CRYBG3: variants seen among roughly 807,000 people sequenced by gnomAD.
CRYBG3 encodes very large A-kinase anchor protein.
In CRYBG3, 127 loss-of-function variants were observed where a neutral mutation model predicts 244.2. The observed-to-expected ratio is 0.52, with a 90% CI of 0.45 to 0.60. The LOEUF (loss-of-function observed/expected upper bound fraction) is 0.60. Ranked by LOEUF, CRYBG3 falls within the 20% of genes least tolerant of loss-of-function variation. The pLI is 0.00. For synonymous variants in CRYBG3, 1,132 were observed against 1,195.8 expected (o/e 0.95, Z 1.10); for missense variants, 3,325 against 3,442.5 (o/e 0.97, Z 0.85).
Position 97,823,989 on chromosome 3 carries a change from A to G in CRYBG3, c.149+1634A>G, listed in dbSNP as rs186228308. On this transcript the variant is annotated intron_variant, in intron 1 of 21. Transcript: ENST00000389622. ...CATCATCTCCAGATTGGCACAAATTATGGCTTTTCAACGATGAAGATTTTA... is the reference window on the plus strand; with the variant it reads ...CATCATCTCCAGATTGGCACAAATTGTGGCTTTTCAACGATGAAGATTTTA... 6.6e-5 allele frequency among the ~76,000 whole-genome samples: 10 copies of G among 152,318 alleles called. 1 individual carries two copies. Among genetic ancestry groups the G allele is most frequent in the African/African-American group, 2.4e-4 (10 of 41,572 alleles).
rs1559733249 is a variant in CRYBG3 at position 97,886,614 on chromosome 3, TTA to T, written c.7153-15_7153-14del. 6.3e-7 allele frequency: 1 copy of T among 1,590,726 alleles called. No individual in the cohort carries two copies. Among genetic ancestry groups the T allele is most frequent in the South Asian group, 1.2e-5 (1 of 86,354 alleles). On this transcript the variant is annotated splice_polypyrimidine_tract_variant and intron_variant, in intron 7 of 21. Coordinates refer to ENST00000389622, the MANE Select transcript of CRYBG3 (RefSeq NM_153605.4). ...GACTCTAGTTGATTTCAAAGCCAAA[TTA>T]TTTTTTTTTTTCAGGACTGCAGCAT...
chr3:97,889,356 G>A lies in CRYBG3; in HGVS notation c.7406G>A (p.Gly2469Asp), dbSNP rs1454583596. The A allele has an allele frequency of 6.2e-7, 1 of 1,605,834 alleles. No homozygotes were observed. ...ATTAAACTATCTTGTCATCTTAAGG[G>A]TGGACTGAAAGTGGAAATGCCCATG... The part of the protein sequence containing the change: ...EMKSLHPLQM[G>D]GLKVEMPMNL... Residue 2469 changes from glycine (G) to aspartate (D), a missense_variant and splice_region_variant, in exon 10 of 22, where the codon GGT becomes GAT. By Grantham distance (94) the Gly-to-Asp change is moderately conservative. This residue lies in a region of CRYBG3 where 714 missense variants were observed against 803.6 expected (regional missense o/e 0.89). Transcript: ENST00000389622.
intron 15 of CRYBG3, among the ~76,000 whole-genome samples, chr3:97,910,928 C>T (rs373120106): frequency 6.6e-6 from 1 of 152,166 alleles, no homozygotes; most frequent in South Asian, 2.1e-4. Flanking sequence ...CTTTGCTATC[C>T]TCTATATCTG....
intron 17 of CRYBG3, among the ~76,000 whole-genome samples, chr3:97,919,518 G>A (rs1437011122): frequency 6.6e-6 from 1 of 151,974 alleles, no homozygotes; most frequent in Non-Finnish European, 1.5e-5. Flanking sequence ...GGTTTCTATT[G>A]TCTTCTCTTT....
At chr3:97,889,965 G>C (rs1310147622) in intron 10 of CRYBG3, among the ~76,000 whole-genome samples, 1 of 152,128 alleles carries the variant, frequency 6.6e-6, no homozygotes, top group African/African-American at 2.4e-5. Flanking sequence ...AACCAGTACA[G>C]TGATAAAAGA....
At chr3:97,923,676 A>C (rs569590224) in intron 17 of CRYBG3, among the ~76,000 whole-genome samples, 18 of 152,288 alleles carry the variant, frequency 1.2e-4, no homozygotes, top group African/African-American at 4.3e-4. Flanking sequence ...GGGCTAAAGC[A>C]CATTTTTAAA....
intron 1 of CRYBG3, 30 bp downstream of exon 1, chr3:97,822,385 G>T (rs763102224): frequency 1.9e-5 from 27 of 1,446,600 alleles, no homozygotes; most frequent in African/African-American, 1.2e-4. Context: ...TCGCGGGGGG[G>T]CCCTGCACAT....
In CRYBG3 at chr3:97,941,239, G is replaced by A; in HGVS notation, c.8597G>A (p.Cys2866Tyr). 3 of 1,611,156 alleles carry A rather than the reference G, an allele frequency of 1.9e-6. No individual in the cohort carries two copies. The highest frequency in any genetic ancestry group is 2.5e-6 in the Non-Finnish European group (3 of 1,177,854). ...GCAGACACCAGGGCAACATCTGTGT[G>A]CATTTCTCCCTATAGTGGAAAGAAT... ...SLADTRATSV[C>Y]ISPYSGKNTQ... The change falls in exon 20 of 22, where the codon TGC becomes TAC. Residue 2866 changes from cysteine to tyrosine, a missense_variant. Around this residue, in one of 4 missense-constraint regions of CRYBG3, gnomAD observed 714 missense variants for 803.6 expected, o/e 0.89. Transcript: ENST00000389622.
chr3:97,894,022 T>TA (rs1027737963), intron 11 of CRYBG3, among the ~76,000 whole-genome samples: 1 of 152,204 alleles, frequency 6.6e-6, no homozygotes, highest in African/African-American at 2.4e-5. Flanking sequence ...TCCTTCAATT[T>TA]AAAAAATTTA....
At chr3:97,886,363 T>C (rs987358246) in intron 7 of CRYBG3, among the ~76,000 whole-genome samples, 3 of 152,140 alleles carry the variant, frequency 2.0e-5, no homozygotes, top group African/African-American at 7.2e-5. Flanking sequence ...TAAGCATTGC[T>C]TAATGGAACG....
At chr3:97,838,489 G>A (rs563227176) in intron 1 of CRYBG3, among the ~76,000 whole-genome samples, 2 of 152,050 alleles carry the variant, frequency 1.3e-5, no homozygotes, top group Non-Finnish European at 2.9e-5. Flanking sequence ...CCTGGGCCCC[G>A]TTCCAATTGG....
chr3:97,944,781 T>C lies in CRYBG3; in HGVS notation c.*1467T>C, dbSNP rs1311156981. On this transcript the variant is annotated 3_prime_UTR_variant, in exon 22 of 22. Coordinates refer to ENST00000389622, the MANE Select transcript of CRYBG3 (RefSeq NM_153605.4). The stretch of plus-strand genomic sequence containing the variant: ...CACAAAGGTATGTATATTTTCATTA[T>C]AAAAAACCAGTTTAAAATTTTTTCT... 3.2e-5 allele frequency: 5 copies of C among 155,064 alleles called. No individual in the cohort carries two copies. The highest frequency in any genetic ancestry group is 6.5e-5 in the Admixed American group (1 of 15,452). 9.6% of individuals were successfully genotyped at this position (155,064 alleles called of 1,614,324 possible). A position where few individuals can be genotyped will look rare whatever the true frequency, so the allele number is the denominator to read the frequency against.
chr3:97,889,486 C>A, intron 10 of CRYBG3, 96 bp downstream of exon 10: 1 of 1,036,052 alleles, frequency 9.7e-7, no homozygotes, highest in Non-Finnish European at 1.5e-6. Flanking sequence ...AGTACCTCCA[C>A]ATATGATTAT....
intron 2 of CRYBG3, among the ~76,000 whole-genome samples, chr3:97,859,418 G>A (rs1349143202): frequency 1.3e-5 from 2 of 152,138 alleles, no homozygotes; most frequent in Non-Finnish European, 2.9e-5. Context: ...GCTTAAGGAG[G>A]TGACAAAATA....
At chr3:97,932,840 A>G (rs547104288) in intron 17 of CRYBG3, among the ~76,000 whole-genome samples, 5 of 151,996 alleles carry the variant, frequency 3.3e-5, no homozygotes, top group Non-Finnish European at 7.4e-5. Context: ...TCTGTTCACC[A>G]TCTTCTTTCC....
At chr3:97,827,276 A>G (rs1445128916) in intron 1 of CRYBG3, among the ~76,000 whole-genome samples, 1 of 152,146 alleles carries the variant, frequency 6.6e-6, no homozygotes, top group Non-Finnish European at 1.5e-5. Flanking sequence ...GTGAGGAGTG[A>G]CTGTTGATTG....
At chr3:97,881,296 G>A in intron 7 of CRYBG3, 77 bp downstream of exon 7, 3 of 974,902 alleles carry the variant, frequency 3.1e-6, no homozygotes, top group South Asian at 2.2e-5. Context: ...GCCTGGCGAT[G>A]TTTACAAATC....
chr3:97,887,421 A>G (rs958677213), intron 8 of CRYBG3, among the ~76,000 whole-genome samples: 5 of 152,264 alleles, frequency 3.3e-5, no homozygotes, highest in African/African-American at 9.6e-5. Context: ...ACACTGTAGG[A>G]CAACATTTTT....
chr3:97,854,571 T>A (rs1045223443), intron 2 of CRYBG3, among the ~76,000 whole-genome samples: 5 of 151,406 alleles, frequency 3.3e-5, no homozygotes, highest in Non-Finnish European at 7.4e-5. Flanking sequence ...TCACCTCCTT[T>A]GTTAGGTATA....
Sources: gnomAD v4.1 joint callset for allele counts (sites outside exome capture counted in the v4.1 genomes callset) on GRCh38, gnomAD v4.1.1 for gene constraint, gnomAD v4.1.1 regional missense constraint, MANE v1.5 for transcripts, NCBI Gene and HGNC (gene_info 2026-07-23, HGNC 2026-07-21) for gene names.